The following MTUS1 variants were observed in gnomAD, a reference collection of about 807,000 sequenced individuals.
MTUS1 encodes microtubule associated scaffold protein 1.
MTUS1 carries 109 observed loss-of-function variants against 120.8 expected under a neutral mutation model. The ratio of observed to expected loss-of-function variants is 0.90; its 90% CI spans 0.77 to 1.06. MTUS1 has a LOEUF of 1.06. MTUS1 is among the 50% of genes least tolerant of loss of function. MTUS1 has a pLI of 0.00. For synonymous variants in MTUS1, 737 were observed against 550.5 expected, an observed-to-expected ratio of 1.34 and a Z score of -4.74; for missense variants, 2,210 against 1,486.3, an observed-to-expected ratio of 1.49 and a Z score of -8.01.
intron 4 of MTUS1, among the ~76,000 whole-genome samples, chr8:17,721,281 C>T (rs6981770): frequency 0.48 from 72,786 of 152,070 alleles, 19,025 homozygotes; most frequent in Middle Eastern, 0.61. Flanking sequence ...TTTGAGGTAG[C>T]CTTTAAAAGT....
At chr8:17,647,792 G>C (rs553112900) in intron 13 of MTUS1, among the ~76,000 whole-genome samples, 2 of 152,172 alleles carry the variant, frequency 1.3e-5, no homozygotes, top group Admixed American at 1.3e-4. Context: ...ACATGATGAA[G>C]ACCTGATTCC....
At chr8:17,747,995 C>G (rs2047899351) in intron 2 of MTUS1, 1 of 152,158 alleles carries the variant, frequency 6.6e-6, no homozygotes, top group Non-Finnish European at 1.5e-5. Flanking sequence ...TGGCAAAGAC[C>G]TGCCCCCCCA....
chr8:17,769,344 T>TA (rs1202587881), intron 1 of MTUS1, among the ~76,000 whole-genome samples: 5 of 108,594 alleles, frequency 4.6e-5, no homozygotes, highest in Non-Finnish European at 7.3e-5. Flanking sequence ...GCTTAGTCAG[T>TA]AATTTTTTTT....
At chr8:17,766,815 G>T (rs76348909) in intron 1 of MTUS1, among the ~76,000 whole-genome samples, 4,746 of 151,866 alleles carry the variant, frequency 0.031, 105 homozygotes, top group South Asian at 0.066. Context: ...ATTGAATTGA[G>T]AATCATATAA....
intron 3 of MTUS1, among the ~76,000 whole-genome samples, chr8:17,730,743 A>ATTTT (rs1353537815): frequency 6.6e-6 from 1 of 152,220 alleles, no homozygotes; most frequent in Non-Finnish European, 1.5e-5. Flanking sequence ...ATAATGTATG[A>ATTTT]TTCTCTTTCA....
In MTUS1 at chr8:17,754,539, G is replaced by GTC; in HGVS notation, c.1267_1268dup (p.Asp423GlufsTer12). ...CTGGTGTTGACATGCACATCGTTTTGTCTGTGCTAATGACCATATCATTTG... is the reference window on the plus strand; with the variant it reads ...CTGGTGTTGACATGCACATCGTTTTGTCTCTGTGCTAATGACCATATCATTTG... On this transcript the variant is annotated frameshift_variant, in exon 2 of 15. Coordinates refer to ENST00000693296, the MANE Select transcript of MTUS1 (RefSeq NM_001363059.2). LOFTEE classifies it high-confidence loss of function. 6.2e-7 allele frequency: 1 copy of GTC among 1,614,188 alleles called. No individual in the cohort carries two copies. The highest frequency in any genetic ancestry group is 1.3e-5 in the African/African-American group (1 of 75,046).
chr8:17,706,460 T>C (rs908283643), intron 6 of MTUS1, among the ~76,000 whole-genome samples: 3 of 152,186 alleles, frequency 2.0e-5, no homozygotes, highest in Admixed American at 1.3e-4. Flanking sequence ...ATTTCTTTAA[T>C]TGATAAAGGT....
At chr8:17,757,489 C>T (rs183675545) in intron 1 of MTUS1, among the ~76,000 whole-genome samples, 20 of 152,230 alleles carry the variant, frequency 1.3e-4, no homozygotes, top group Admixed American at 3.9e-4. Flanking sequence ...CATTAAAACA[C>T]CCACGAAAGC....
Position 17,723,789 on chromosome 8 carries a change from A to G in MTUS1, c.2332T>C (p.Leu778=), listed in dbSNP as rs1585967433. Residue 778 remains leucine, a synonymous_variant, in exon 4 of 15, where the codon TTG becomes CTG. Coordinates refer to ENST00000693296, the MANE Select transcript of MTUS1 (RefSeq NM_001363059.2). ...TTGGATTTAGGAAGTGGTCTAGGCA[A>G]ATTCACCCATGACGACTGTGCAGTT... ...LKTAQSSWVN[L]PRPLPKSKAS... 1 of 1,608,614 alleles carries G rather than the reference A, an allele frequency of 6.2e-7. No individual in the cohort carries two copies. The highest frequency in any genetic ancestry group is 2.2e-5 in the East Asian group (1 of 44,866).
rs1461900111 is a variant in MTUS1, at chr8:17,644,535, C to T, written c.*1391G>A. 3 of 152,272 alleles carry T rather than the reference C, an allele frequency of 2.0e-5. No homozygotes were observed. Among genetic ancestry groups the T allele is most frequent in the Admixed American group, 6.5e-5 (1 of 15,270 alleles). 9.4% of individuals were successfully genotyped at this position (152,272 alleles called of 1,614,324 possible). A position where few individuals can be genotyped will look rare whatever the true frequency, so the allele number is the denominator to read the frequency against. On this transcript the variant is annotated 3_prime_UTR_variant, in exon 15 of 15. Transcript: ENST00000693296. ...TTTTGGAAAGAAACTGAAATGCAAC[C>T]TGGAGGAGAGTTGGACAAGCCACAT...
rs570951058 is a variant in MTUS1, at chr8:17,715,858, T to C, written c.2493A>G (p.Lys831=). 103 of 1,614,012 alleles carry C rather than the reference T, an allele frequency of 6.4e-5. 3 individuals carry two copies. In the South Asian group the frequency reaches 1.1e-3, roughly 17 times the overall value. The change falls in exon 5 of 15, where the codon AAA becomes AAG. Residue 831 remains lysine (K), a synonymous_variant. Coordinates refer to ENST00000693296, the MANE Select transcript of MTUS1 (RefSeq NM_001363059.2). ...CTGAGGAACCATTCTGAAATGCTGG[T>C]TTTGGAGGTTTCTCCTCATATTTGA... The part of the protein sequence containing the change: ...AVIKYEEKPP[K]PAFQNGSSGS...
At chr8:17,692,156 C>G (rs1374280804) in intron 6 of MTUS1, 1 of 152,198 alleles carries the variant, frequency 6.6e-6, no homozygotes, top group African/African-American at 2.4e-5. Flanking sequence ...TCTGCCTTCT[C>G]TGTGGCAGAT....
chr8:17,773,364 T>C (rs2050157226), intron 1 of MTUS1, among the ~76,000 whole-genome samples: 2 of 152,274 alleles, frequency 1.3e-5, no homozygotes, highest in South Asian at 2.1e-4. Context: ...TGGGGTTACC[T>C]GAAACAAGCC....
At chr8:17,717,307 A>G (rs1225792698) in intron 4 of MTUS1, among the ~76,000 whole-genome samples, 1 of 152,188 alleles carries the variant, frequency 6.6e-6, no homozygotes, top group African/African-American at 2.4e-5. Context: ...GCTTTTCCAA[A>G]GTTGACAGGA....
intron 3 of MTUS1, among the ~76,000 whole-genome samples, chr8:17,725,559 C>A (rs775869172): frequency 2.2e-4 from 34 of 152,232 alleles, no homozygotes; most frequent in Non-Finnish European, 4.7e-4. Context: ...CCTTATTTAA[C>A]CCTTTATATC....
At chr8:17,646,693 CTGTTTTCTATTT>C (rs1196262717) in intron 14 of MTUS1, among the ~76,000 whole-genome samples, 2 of 152,262 alleles carry the variant, frequency 1.3e-5, no homozygotes, top group African/African-American at 4.8e-5. Context: ...ATGTTGCAGG[CTGTTTTCTATTT>C]GGTTTTGTGT....
chr8:17,655,735 AAAC>A (rs1273428578), intron 9 of MTUS1, 125 bp downstream of exon 9: 6 of 820,958 alleles, frequency 7.3e-6, no homozygotes, highest in Non-Finnish European at 1.2e-5. Flanking sequence ...TGTCTTAAAT[AAAC>A]AACAACAACA....
chr8:17,755,496 C>A lies in MTUS1; in HGVS notation c.312G>T (p.Gln104His), dbSNP rs199783879. The A allele has an allele frequency of 7.5e-4, 1,208 of 1,614,178 alleles. 4 individuals are homozygous for A. The highest frequency in any genetic ancestry group is 1.5e-3 in the Middle Eastern group (9 of 6,062). The change falls in exon 2 of 15, where the codon CAG becomes CAT. Residue 104 changes from glutamine to histidine, a missense_variant. Coordinates refer to ENST00000693296, the MANE Select transcript of MTUS1 (RefSeq NM_001363059.2). ...TCTCAGTACCTACAAGTGCAGGACACTGACAAATAGAATCTTTATGCATAT... is the reference window on the plus strand; with the variant it reads ...TCTCAGTACCTACAAGTGCAGGACAATGACAAATAGAATCTTTATGCATAT... ...VLDMHKDSICQCPALVGTEKP... is the reference protein window; with the variant it reads ...VLDMHKDSICHCPALVGTEKP...
intron 1 of MTUS1, among the ~76,000 whole-genome samples, chr8:17,799,261 A>C (rs1403705971): frequency 1.3e-5 from 2 of 151,868 alleles, no homozygotes; most frequent in African/African-American, 4.9e-5. Flanking sequence ...AGTGGAAATA[A>C]ATGAAAACCA....
Sources: allele counts gnomAD v4.1 joint callset (sites outside exome capture counted in the v4.1 genomes callset), GRCh38; gene constraint gnomAD v4.1.1; transcripts MANE v1.5; gene names NCBI Gene and HGNC (gene_info 2026-07-23, HGNC 2026-07-21).